PYHIN1: variants seen among roughly 807,000 people sequenced by gnomAD.
PYHIN1 encodes pyrin and HIN domain family member 1, also known as pyrin and HIN domain-containing protein 1.
In PYHIN1, 32 loss-of-function variants were observed where a neutral mutation model predicts 43.7. The ratio of observed to expected loss-of-function variants is 0.73; its 90% CI spans 0.55 to 0.98. PYHIN1 has a LOEUF of 0.98. Among genes scored for constraint, PYHIN1 ranks in the 50% least tolerant of loss-of-function variants. The pLI is 0.00. For synonymous variants in PYHIN1, 205 were observed against 203.1 expected, an observed-to-expected ratio of 1.01 and a Z score of -0.08; for missense variants, 588 against 589.5, an observed-to-expected ratio of 1.00 and a Z score of 0.03.
At chr1:158,960,908 T>G (rs1048229544) in intron 7 of PYHIN1, among the ~76,000 whole-genome samples, 1 of 152,198 alleles carries the variant, frequency 6.6e-6, no homozygotes, top group Non-Finnish European at 1.5e-5. Flanking sequence ...CAAGATGTTT[T>G]TGTCAATAAG....
chr1:158,990,717 C>G, the PYHIN1 span, among the ~76,000 whole-genome samples: 1 of 152,176 alleles, frequency 6.6e-6, no homozygotes, highest in Admixed American at 6.5e-5. Flanking sequence ...ACTCTACTCT[C>G]TACCACTATG....
intron 6 of PYHIN1, 148 bp downstream of exon 6, chr1:158,944,126 AG>A (rs1649086116): frequency 2.2e-6 from 1 of 459,272 alleles, no homozygotes; most frequent in Non-Finnish European, 3.8e-6. Flanking sequence ...ACATTTAAAT[AG>A]AGAAAATTAT....
At chr1:158,975,035 T>C (rs1306529111) in intron 8 of PYHIN1, among the ~76,000 whole-genome samples, 3 of 152,052 alleles carry the variant, frequency 2.0e-5, no homozygotes, top group African/African-American at 7.2e-5. Flanking sequence ...TTTATTTGAC[T>C]GCATCTAAAC....
intron 7 of PYHIN1, among the ~76,000 whole-genome samples, chr1:158,962,439 G>C (rs929753609): frequency 6.6e-6 from 1 of 152,194 alleles, no homozygotes; most frequent in Non-Finnish European, 1.5e-5. Flanking sequence ...CCACGGAGAA[G>C]TGATCGGACC....
intron 7 of PYHIN1, among the ~76,000 whole-genome samples, chr1:158,958,771 G>GA (rs58060370): frequency 0.95 from 129,037 of 135,708 alleles, 61,702 homozygotes; most frequent in East Asian, 1. Flanking sequence ...AAAAAGAAAA[G>GA]AAAAAAAATA....
Position 158,939,066 on chromosome 1 carries a change from T to C in PYHIN1, c.412-14T>C. 1 of 1,559,004 alleles carries C rather than the reference T, an allele frequency of 6.4e-7. No individual in the cohort carries two copies. The highest frequency in any genetic ancestry group is 8.6e-7 in the Non-Finnish European group (1 of 1,156,526). The stretch of plus-strand genomic sequence containing the variant: ...CACTGAAAGTAATTAACAAGAAAAA[T>C]AAACTACTTGTAGAAAAGAAAAAAA... On this transcript the variant is annotated splice_polypyrimidine_tract_variant and intron_variant, in intron 3 of 8. Transcript: ENST00000368140.
At chr1:158,988,973 A>G in the PYHIN1 span, among the ~76,000 whole-genome samples, 2 of 152,262 alleles carry the variant, frequency 1.3e-5, no homozygotes, top group African/African-American at 4.8e-5. Context: ...AGCCTGTACC[A>G]AAGGATGTTG....
chr1:158,987,086 T>A, the PYHIN1 span, among the ~76,000 whole-genome samples: 13 of 152,226 alleles, frequency 8.5e-5, no homozygotes, highest in African/African-American at 2.9e-4. Flanking sequence ...CTTTTTTGTT[T>A]GTTTGTTGAT....
At position 158,943,822 on chromosome 1, in the gene PYHIN1, A is replaced by G; in HGVS notation, c.1035A>G (p.Glu345=). ...KIVNRKTTIY[E]IQDKTGSMAV... is the part of the protein sequence containing the mutation. ...TAAATAGGAAGACGACAATCTATGA[A>G]ATTCAGGATAAAACAGGAAGTATGG... The change falls in exon 6 of 9, where the codon GAA becomes GAG. Residue 345 remains glutamate (E), a synonymous_variant. Coordinates refer to ENST00000368140, the MANE Select transcript of PYHIN1 (RefSeq NM_152501.5). 2 of 1,601,192 alleles carry G rather than the reference A, an allele frequency of 1.2e-6. No individual in the cohort carries two copies. Among genetic ancestry groups the G allele is most frequent in the Non-Finnish European group, 1.7e-6 (2 of 1,173,584 alleles).
intron 7 of PYHIN1, among the ~76,000 whole-genome samples, chr1:158,948,681 G>T (rs913432726): frequency 6.6e-6 from 1 of 152,182 alleles, no homozygotes; most frequent in Non-Finnish European, 1.5e-5. Context: ...ACTAGCAGTT[G>T]CCAGGATGAC....
intron 1 of PYHIN1, among the ~76,000 whole-genome samples, chr1:158,934,137 G>A (rs371632658): frequency 6.6e-6 from 1 of 152,132 alleles, no homozygotes; most frequent in East Asian, 1.9e-4. Context: ...AGAACTTGGA[G>A]GTTTATAAAG....
intron 7 of PYHIN1, among the ~76,000 whole-genome samples, chr1:158,970,809 T>C (rs567237122): frequency 2.2e-4 from 34 of 152,170 alleles, no homozygotes; most frequent in African/African-American, 7.9e-4. Flanking sequence ...GAAGTAAAGC[T>C]GTGTTTATTA....
In PYHIN1 at chr1:158,973,747, G is replaced by T. The variant is rs142194663; in HGVS notation, c.1460G>T (p.Arg487Leu). The T allele has an allele frequency of 9.3e-5, 150 of 1,612,776 alleles. No individual in the cohort carries two copies. The African/African-American group carries it at 1.7e-3, about 18-fold the overall frequency. ...CTTTCTTCTGACACTTCCACCAACC[G>T]CCATCCAGCAGTTCCTTAAATAAGG... ...PPLSSDTSTN[R>L]HPAVP is the part of the protein sequence containing the mutation. The change falls in exon 8 of 9, where the codon CGC (arginine) becomes CTC (leucine). Residue 487 changes from arginine to leucine, a missense_variant. Transcript: ENST00000368140.
intron 8 of PYHIN1, among the ~76,000 whole-genome samples, chr1:158,974,901 C>T (rs1614568): frequency 6.6e-6 from 1 of 151,878 alleles, no homozygotes; most frequent in South Asian, 2.1e-4. Context: ...ATTGAACATC[C>T]CAGGACAACA....
At chr1:158,970,502 T>A (rs1464379066) in intron 7 of PYHIN1, among the ~76,000 whole-genome samples, 2 of 151,990 alleles carry the variant, frequency 1.3e-5, no homozygotes, top group Non-Finnish European at 2.9e-5. Context: ...CAATATCACT[T>A]CTTGGCCTTT....
chr1:158,979,262 G>A (rs1651402890), downstream of PYHIN1, among the ~76,000 whole-genome samples: 1 of 152,102 alleles, frequency 6.6e-6, no homozygotes, highest in African/African-American at 2.4e-5. Context: ...TATTCATCTG[G>A]CATATCTGAA....
At chr1:158,979,384 G>A (rs1651409854), downstream of PYHIN1, among the ~76,000 whole-genome samples, 1 of 152,084 alleles carries the variant, frequency 6.6e-6, no homozygotes, top group Non-Finnish European at 1.5e-5. Flanking sequence ...CTCTACATAA[G>A]TGGACTCATG....
chr1:158,988,532 G>A, the PYHIN1 span, among the ~76,000 whole-genome samples: 2 of 152,014 alleles, frequency 1.3e-5, no homozygotes, highest in African/African-American at 4.8e-5. Context: ...TGTTAAAGAC[G>A]GTCTGATTAG....
chr1:158,985,121 T>C, the PYHIN1 span, among the ~76,000 whole-genome samples: 3 of 152,218 alleles, frequency 2.0e-5, no homozygotes, highest in Non-Finnish European at 4.4e-5. Context: ...TACCATTCTG[T>C]GCCTTTTAAG....
Sources: allele counts gnomAD v4.1 joint callset (sites outside exome capture counted in the v4.1 genomes callset), GRCh38; gene constraint gnomAD v4.1.1; transcripts MANE v1.5; gene names NCBI Gene and HGNC (gene_info 2026-07-23, HGNC 2026-07-21).